SHROOM2: variants seen among roughly 807,000 people sequenced by gnomAD.
SHROOM2 encodes the protein shroom family member 2.
In SHROOM2, 33 loss-of-function variants were observed where a neutral mutation model predicts 75.9. The ratio of observed to expected loss-of-function variants is 0.43; its 90% CI spans 0.33 to 0.58. SHROOM2 has a LOEUF of 0.58. SHROOM2 is among the 20% of genes least tolerant of loss of function. SHROOM2 has a pLI of 0.04. For synonymous variants in SHROOM2, 655 were observed against 663.6 expected, an observed-to-expected ratio of 0.99 and a Z score of 0.20; for missense variants, 1,434 against 1,461.2, an observed-to-expected ratio of 0.98 and a Z score of 0.30.
chrX:9,899,715 C>T (rs1241522682), intron 5 of SHROOM2, among the ~76,000 whole-genome samples: 2 of 112,084 alleles, frequency 1.8e-5, no homozygotes, highest in Admixed American at 9.5e-5. Context: ...TCAGAAAGGC[C>T]GACGAATAAT....
intron 6 of SHROOM2, among the ~76,000 whole-genome samples, chrX:9,935,161 A>G (rs1269663619): frequency 4.5e-5 from 5 of 110,714 alleles, no homozygotes; most frequent in Non-Finnish European, 9.4e-5. Flanking sequence ...TCTGCACAAA[A>G]GGGGGAGGAT....
At chrX:9,835,838 A>G (rs1239823323) in intron 1 of SHROOM2, among the ~76,000 whole-genome samples, 1 of 111,161 alleles carries the variant, frequency 9.0e-6, no homozygotes, top group Non-Finnish European at 1.9e-5. Flanking sequence ...CCTGGGCTCA[A>G]GTAATCCTCT....
At chrX:9,938,168 GA>G (rs1479923542) in intron 7 of SHROOM2, among the ~76,000 whole-genome samples, 5 of 111,364 alleles carry the variant, frequency 4.5e-5, no homozygotes, top group African/African-American at 1.6e-4. Flanking sequence ...ACATGAGAAT[GA>G]AGGCTTAGAT....
chrX:9,897,239 A>T (rs1177917671), intron 4 of SHROOM2, among the ~76,000 whole-genome samples: 3 of 111,894 alleles, frequency 2.7e-5, no homozygotes, highest in African/African-American at 9.8e-5. Context: ...TATTAAGGTG[A>T]GAGTTTTGAT....
intron 5 of SHROOM2, among the ~76,000 whole-genome samples, chrX:9,899,254 C>T (rs2084352413): frequency 4.2e-5 from 3 of 71,891 alleles, no homozygotes; most frequent in Admixed American, 3.9e-4. Context: ...AGAGCGAGAC[C>T]CTGTCTCAAA....
chrX:9,925,597 C>T (rs2084586808), intron 5 of SHROOM2, among the ~76,000 whole-genome samples: 1 of 112,381 alleles, frequency 8.9e-6, no homozygotes, highest in Non-Finnish European at 1.9e-5. Context: ...GGCCCTACCC[C>T]AGTTGTCCCA....
At chrX:9,859,568 C>T (rs775415062) in intron 1 of SHROOM2, among the ~76,000 whole-genome samples, 14 of 111,316 alleles carry the variant, frequency 1.3e-4, no homozygotes, top group African/African-American at 4.2e-4. Context: ...TTCAAGATGG[C>T]GTCCTGAGGG....
chrX:9,900,684 T>C, intron 5 of SHROOM2, among the ~76,000 whole-genome samples: 1 of 111,543 alleles, frequency 9.0e-6, no homozygotes, highest in South Asian at 3.8e-4. Flanking sequence ...TTAAGTTACA[T>C]GATGTTTCAG....
chrX:9,813,934 C>A (rs1312324460), intron 1 of SHROOM2, among the ~76,000 whole-genome samples: 1 of 112,069 alleles, frequency 8.9e-6, no homozygotes, highest in Non-Finnish European at 1.9e-5. Context: ...TTATTCCCAT[C>A]ATATTTAAAT....
intron 1 of SHROOM2, among the ~76,000 whole-genome samples, chrX:9,801,448 G>A (rs1308942097): frequency 8.9e-6 from 1 of 111,919 alleles, no homozygotes; most frequent in South Asian, 3.7e-4. Flanking sequence ...CTTCAGTCCT[G>A]CATTGTCTAA....
At chrX:9,821,151 A>C (rs2083851040) in intron 1 of SHROOM2, among the ~76,000 whole-genome samples, 1 of 111,945 alleles carries the variant, frequency 8.9e-6, no homozygotes, top group South Asian at 3.7e-4. Flanking sequence ...GGGTGATGCT[A>C]ATGCTGGCTC....
chrX:9,824,460 A>C (rs2083878098), intron 1 of SHROOM2, among the ~76,000 whole-genome samples: 1 of 111,410 alleles, frequency 9.0e-6, no homozygotes, highest in African/African-American at 3.3e-5. Flanking sequence ...AAATAAATAG[A>C]ATAAAATACA....
chrX:9,897,881 T>C (rs1022043396), intron 4 of SHROOM2, among the ~76,000 whole-genome samples: 7 of 111,878 alleles, frequency 6.3e-5, no homozygotes, highest in Non-Finnish European at 1.3e-4. Flanking sequence ...GCTTGCTCTG[T>C]CAGGAGCAAA....
rs770018887 is a variant in SHROOM2, at chrX:9,936,265, C to T, written c.3588-869C>T. On this transcript the variant is annotated intron_variant, in intron 6 of 9. Transcript: ENST00000380913. ...TAGGTGGGATTACAGGTGCGCACCA[C>T]CACACCCGGCTAATTTTTGTATTTT... Among the ~76,000 whole-genome samples the T allele has an allele frequency of 2.7e-5, 3 of 109,698 alleles. No homozygotes were observed. In the East Asian group the frequency reaches 8.6e-4, roughly 31 times the overall value.
intron 1 of SHROOM2, among the ~76,000 whole-genome samples, chrX:9,822,025 A>C (rs1312015381): frequency 8.9e-6 from 1 of 112,599 alleles, no homozygotes; most frequent in Admixed American, 9.4e-5. Context: ...CACTGAGAGG[A>C]GGCTGACCCT....
At chrX:9,868,080 G>A (rs960879470) in intron 1 of SHROOM2, among the ~76,000 whole-genome samples, 3 of 110,536 alleles carry the variant, frequency 2.7e-5, no homozygotes, top group Non-Finnish European at 5.7e-5. Context: ...GTGTCACCCT[G>A]AAGAAGTGCT....
intron 1 of SHROOM2, among the ~76,000 whole-genome samples, chrX:9,808,763 G>A (rs1401788146): frequency 2.7e-5 from 3 of 110,242 alleles, no homozygotes; most frequent in Admixed American, 2.0e-4. Context: ...TCGGGAGGCT[G>A]AGGCAAGAGA....
intron 2 of SHROOM2, among the ~76,000 whole-genome samples, chrX:9,879,914 A>G (rs753372121): frequency 4.3e-4 from 48 of 112,402 alleles, no homozygotes; most frequent in Non-Finnish European, 6.4e-4. Context: ...TATCGGTTCC[A>G]CAAATGATGT....
At chrX:9,913,581 G>A (rs1426027096) in intron 5 of SHROOM2, among the ~76,000 whole-genome samples, 1 of 112,258 alleles carries the variant, frequency 8.9e-6, no homozygotes, top group Non-Finnish European at 1.9e-5. Context: ...ATTTTCACAG[G>A]GAAATTGATG....
Sources: allele counts gnomAD v4.1 joint callset (sites outside exome capture counted in the v4.1 genomes callset), GRCh38; gene constraint gnomAD v4.1.1; transcripts MANE v1.5; gene names NCBI Gene and HGNC (gene_info 2026-07-23, HGNC 2026-07-21).